INPP4B: variants seen among roughly 807,000 people sequenced by gnomAD.
INPP4B encodes the protein inositol polyphosphate-4-phosphatase type II B.
A neutral mutation model predicts 122.5 loss-of-function variants in INPP4B; 55 were observed. That is an observed-to-expected ratio of 0.45 (90% CI 0.36 to 0.56). INPP4B has a LOEUF of 0.56. Among genes scored for constraint, INPP4B ranks in the 20% least tolerant of loss-of-function variants. The probability of loss-of-function intolerance (pLI) is 0.00; values close to 1 mark genes in which losing one functional copy is unlikely to be tolerated. For synonymous variants in INPP4B, 403 were observed against 388.7 expected, an observed-to-expected ratio of 1.04 and a Z score of -0.43; for missense variants, 1,000 against 1,097.7, an observed-to-expected ratio of 0.91 and a Z score of 1.26.
intron 7 of INPP4B, among the ~76,000 whole-genome samples, chr4:142,329,346 T>C (rs1773610691): frequency 6.6e-6 from 1 of 151,936 alleles, no homozygotes; most frequent in Non-Finnish European, 1.5e-5. Context: ...GCAAAGGCAC[T>C]GAGGCCAAAG....
intron 14 of INPP4B, among the ~76,000 whole-genome samples, chr4:142,199,984 C>T (rs1261993038): frequency 1.3e-5 from 2 of 151,966 alleles, no homozygotes; most frequent in Admixed American, 6.6e-5. Flanking sequence ...CTAATTTTTG[C>T]ATTCATTGAT....
chr4:142,711,087 A>G (rs1454418176), intron 2 of INPP4B, among the ~76,000 whole-genome samples: 1 of 152,188 alleles, frequency 6.6e-6, no homozygotes, highest in Admixed American at 6.5e-5. Context: ...TCTCTTGCCT[A>G]GATCTTTCCT....
intron 2 of INPP4B, among the ~76,000 whole-genome samples, chr4:142,624,062 A>G (rs1458349824): frequency 6.6e-6 from 1 of 151,864 alleles, no homozygotes; most frequent in Admixed American, 6.6e-5. Flanking sequence ...AGCATGATTT[A>G]TAGTCCTTTG....
chr4:142,333,030 A>C (rs939352668), intron 7 of INPP4B, among the ~76,000 whole-genome samples: 2 of 150,058 alleles, frequency 1.3e-5, no homozygotes, highest in African/African-American at 4.9e-5. Context: ...AAAAAAAACA[A>C]AAAAAAAACC....
chr4:142,134,753 C>T (rs1043426609), intron 18 of INPP4B, among the ~76,000 whole-genome samples: 10 of 131,790 alleles, frequency 7.6e-5, no homozygotes, highest in African/African-American at 1.2e-4. Flanking sequence ...GCTGAGATCA[C>T]ACCATTGCAT....
At chr4:142,033,920 G>A (rs1358605746) in intron 25 of INPP4B, among the ~76,000 whole-genome samples, 1 of 151,996 alleles carries the variant, frequency 6.6e-6, no homozygotes, top group Non-Finnish European at 1.5e-5. Context: ...TCCTGCTTTA[G>A]CCTCCCATAG....
chr4:142,128,572 T>A (rs1253659324), intron 18 of INPP4B, among the ~76,000 whole-genome samples: 2 of 152,156 alleles, frequency 1.3e-5, no homozygotes, highest in African/African-American at 4.8e-5. Flanking sequence ...CTATAAGAAC[T>A]TGCTGAGACT....
At chr4:142,033,371 A>G (rs961450649) in intron 25 of INPP4B, among the ~76,000 whole-genome samples, 1 of 152,168 alleles carries the variant, frequency 6.6e-6, no homozygotes, top group Non-Finnish European at 1.5e-5. Flanking sequence ...TTCCAGCAGC[A>G]GAGGCTGAGG....
At chr4:142,112,433 T>A in intron 22 of INPP4B, 109 bp downstream of exon 22, 1 of 1,098,890 alleles carries the variant, frequency 9.1e-7, no homozygotes, top group Admixed American at 2.6e-5. Flanking sequence ...AAGAAAAATG[T>A]TACTCATAAA....
intron 9 of INPP4B, among the ~76,000 whole-genome samples, chr4:142,281,603 T>A (rs1751240572): frequency 6.6e-6 from 1 of 151,934 alleles, no homozygotes; most frequent in African/African-American, 2.4e-5. Flanking sequence ...TGCAAAGAAA[T>A]CTCTAAAATA....
chr4:142,806,754 G>GAAGA (rs1561090652), intron 1 of INPP4B, among the ~76,000 whole-genome samples: 17 of 75,648 alleles, frequency 2.2e-4, no homozygotes, highest in East Asian at 7.2e-4. Flanking sequence ...AAAAAAAGAA[G>GAAGA]AAGAAGAAAG....
chr4:142,446,771 A>G (rs1812998703), intron 3 of INPP4B, among the ~76,000 whole-genome samples: 1 of 152,170 alleles, frequency 6.6e-6, no homozygotes, highest in Non-Finnish European at 1.5e-5. Flanking sequence ...AGAGAGAGAG[A>G]CGATGGCACT....
At chr4:142,428,044 A>G (rs1808481686) in intron 5 of INPP4B, among the ~76,000 whole-genome samples, 1 of 151,772 alleles carries the variant, frequency 6.6e-6, no homozygotes, top group South Asian at 2.1e-4. Flanking sequence ...AAAATCTTTA[A>G]TATTTAATTT....
chr4:142,147,202 G>T (rs1388224010), intron 17 of INPP4B, among the ~76,000 whole-genome samples: 1 of 152,130 alleles, frequency 6.6e-6, no homozygotes, highest in Non-Finnish European at 1.5e-5. Context: ...TTAATGTAAA[G>T]ATAGTACTAA....
At chr4:142,560,891 GT>G in intron 2 of INPP4B, among the ~76,000 whole-genome samples, 1 of 152,116 alleles carries the variant, frequency 6.6e-6, no homozygotes, top group Non-Finnish European at 1.5e-5. Context: ...ATGCAGTCAA[GT>G]TGACACTCAA....
At chr4:142,292,605 A>C (rs1026873046) in intron 9 of INPP4B, among the ~76,000 whole-genome samples, 6 of 152,242 alleles carry the variant, frequency 3.9e-5, no homozygotes, top group Non-Finnish European at 5.9e-5. Flanking sequence ...AGACTGCATC[A>C]GAGAAATATA....
At chr4:142,664,552 G>C (rs963360386) in intron 2 of INPP4B, among the ~76,000 whole-genome samples, 1 of 150,894 alleles carries the variant, frequency 6.6e-6, no homozygotes, top group East Asian at 1.9e-4. Flanking sequence ...GAAACACGAA[G>C]ACTAACAACA....
intron 7 of INPP4B, among the ~76,000 whole-genome samples, chr4:142,402,538 T>A (rs1801971205): frequency 6.6e-6 from 1 of 152,218 alleles, no homozygotes; most frequent in Non-Finnish European, 1.5e-5. Context: ...TTTCTCTCTA[T>A]ACGGTATGCA....
chr4:142,165,219 A>T (rs984366757), intron 16 of INPP4B, among the ~76,000 whole-genome samples: 2 of 121,036 alleles, frequency 1.7e-5, no homozygotes, highest in Admixed American at 9.1e-5. Context: ...TCCTTTCAAG[A>T]TTTTCCATTT....
Sources: gnomAD v4.1 joint callset for allele counts (sites outside exome capture counted in the v4.1 genomes callset) on GRCh38, gnomAD v4.1.1 for gene constraint, MANE v1.5 for transcripts, NCBI Gene and HGNC (gene_info 2026-07-23, HGNC 2026-07-21) for gene names.